Variants in HOOK1 observed in about 807,000 individuals in gnomAD.
The protein encoded by HOOK1 is hook microtubule tethering protein 1, also known as protein Hook homolog 1.
Under a neutral mutation model 112.8 loss-of-function variants are expected in HOOK1, and 60 were observed. That is an observed-to-expected ratio of 0.53 (90% confidence interval 0.43 to 0.66). HOOK1 has a LOEUF of 0.66. Among genes scored for constraint, HOOK1 ranks in the 30% least tolerant of loss-of-function variants. The probability of loss-of-function intolerance (pLI) is 0.00; values close to 1 mark genes in which losing one functional copy is unlikely to be tolerated. For missense variants in HOOK1, 770 were observed against 856.0 expected (o/e 0.90, Z 1.25); for synonymous variants, 294 against 283.8 (o/e 1.04, Z -0.36).
intron 9 of HOOK1, 44 bp downstream of exon 9, chr1:59,843,642 A>G: frequency 6.8e-7 from 1 of 1,480,220 alleles, no homozygotes. Context: ...TCTGTCTATT[A>G]TACCAGTAGC....
At chr1:59,838,446 T>C (rs971912748) in intron 7 of HOOK1, among the ~76,000 whole-genome samples, 2 of 152,200 alleles carry the variant, frequency 1.3e-5, no homozygotes, top group African/African-American at 4.8e-5. Context: ...TAATGACCTG[T>C]GATGATGAGC....
chr1:59,872,960 G>A lies in HOOK1; in HGVS notation c.2182G>A (p.Asp728Asn). Residue 728 changes from aspartate (D) to asparagine (N), a missense_variant, in exon 22 of 22, where the codon GAT becomes AAT. Physicochemically the swap from Asp to Asn is conservative, Grantham distance 23 (BLOSUM62 1). Transcript: ENST00000371208. Reference sequence around the variant, plus strand: ...TGTTAAAGTCCCTGCTACAACATCTGATTAAACTGCAAAAAAAACAAAACA... The same window carrying A: ...TGTTAAAGTCCCTGCTACAACATCTAATTAAACTGCAAAAAAAACAAAACA... ...LSVKVPATTSD is the reference protein window; with the variant it reads ...LSVKVPATTSN 1.4e-6 allele frequency: 2 copies of A among 1,465,114 alleles called. No individual in the cohort carries two copies. Among genetic ancestry groups the A allele is most frequent in the Non-Finnish European group, 9.1e-7 (1 of 1,099,212 alleles). The allele number at this position is 1,465,114 out of a possible 1,614,324, so 90.8% of individuals were successfully genotyped here.
At chr1:59,837,926 T>C (rs528268431) in intron 7 of HOOK1, among the ~76,000 whole-genome samples, 1 of 152,266 alleles carries the variant, frequency 6.6e-6, no homozygotes, top group South Asian at 2.1e-4. Context: ...CTCCCACTTA[T>C]GAGTGAGAAC....
chr1:59,823,932 A>C (rs994816629), intron 2 of HOOK1, among the ~76,000 whole-genome samples: 3 of 152,152 alleles, frequency 2.0e-5, no homozygotes, highest in African/African-American at 7.2e-5. Context: ...ATTAACCCTA[A>C]ATATCTCTCT....
rs1435974146 is a variant in HOOK1, at chr1:59,873,471, C to T, written c.*506C>T. ...ATATACAAGGCTTTACTTCTGTCCC[C>T]TAATTCTTCCATTGAATGTGTACCT... is the stretch of plus-strand genomic sequence containing the variant. On this transcript the variant is annotated 3_prime_UTR_variant, in exon 22 of 22. Transcript: ENST00000371208. 1 of 151,830 alleles carries T rather than the reference C, an allele frequency of 6.6e-6. No homozygotes were observed. The highest frequency in any genetic ancestry group is 2.4e-5 in the African/African-American group (1 of 41,340). 9.4% of individuals were successfully genotyped at this position (151,830 alleles called of 1,614,324 possible). A position where few individuals can be genotyped will look rare whatever the true frequency, so the allele number is the denominator to read the frequency against.
chr1:59,870,331 G>A (rs1417932499), intron 20 of HOOK1, among the ~76,000 whole-genome samples: 1 of 152,182 alleles, frequency 6.6e-6, no homozygotes, highest in Non-Finnish European at 1.5e-5. Flanking sequence ...AAAGTAAAAA[G>A]GAGAAATGTA....
intron 1 of HOOK1, chr1:59,815,384 G>C (rs2098380505): frequency 3.4e-6 from 2 of 591,526 alleles, no homozygotes; most frequent in Admixed American, 6.0e-5. Context: ...CCGGGGGTGG[G>C]GGTAAAGGAA....
chr1:59,835,216 G>T (rs904594397), intron 5 of HOOK1, 129 bp from the exon 6 acceptor site: 64 of 646,268 alleles, frequency 9.9e-5, no homozygotes, highest in Non-Finnish European at 1.6e-4. Context: ...ACATACTGGT[G>T]GACAAATAAT....
Position 59,836,923 on chromosome 1 carries a change from A to G in HOOK1, c.525A>G (p.Glu175=), listed in dbSNP as rs757729497. The G allele has an allele frequency of 6.3e-7, 1 of 1,596,702 alleles. No individual in the cohort carries two copies. The highest frequency in any genetic ancestry group is 1.1e-5 in the South Asian group (1 of 88,884). The change falls in exon 7 of 22, where the codon GAA becomes GAG. Residue 175 remains glutamate (E), a synonymous_variant. Transcript: ENST00000371208. ...LSSPPNDAVG[E]LEQQLKRALE... ...CTCCTCCAAATGATGCTGTTGGAGA[A>G]TTGGAGCAACAGGTGAGTATTTTAG...
chr1:59,862,815 C>G lies in HOOK1; in HGVS notation c.1564C>G (p.Gln522Glu). Residue 522 changes from glutamine (Q) to glutamate (E), a missense_variant, in exon 16 of 22, where the codon CAG becomes GAG. Transcript: ENST00000371208. ...LSKERIRELQQQIEDLQKSLQ... is the reference protein window; with the variant it reads ...LSKERIRELQEQIEDLQKSLQ... ...CAAAGAGCGTATTAGAGAATTGCAG[C>G]AGCAGATTGAGGACCTCCAGAAATC... 2 of 1,611,894 alleles carry G rather than the reference C, an allele frequency of 1.2e-6. No homozygotes were observed. Among genetic ancestry groups the G allele is most frequent in the Non-Finnish European group, 1.7e-6 (2 of 1,178,132 alleles).
At chr1:59,852,844 A>G (rs1260403523) in intron 12 of HOOK1, among the ~76,000 whole-genome samples, 1 of 151,594 alleles carries the variant, frequency 6.6e-6, no homozygotes, top group Admixed American at 6.6e-5. Flanking sequence ...ATTTTCGTTT[A>G]ATTCTTTTGA....
chr1:59,827,518 C>A (rs750124682), intron 2 of HOOK1, among the ~76,000 whole-genome samples: 10 of 152,134 alleles, frequency 6.6e-5, no homozygotes, highest in Non-Finnish European at 1.5e-4. Context: ...TCAGTCATTT[C>A]AAGTAAATAC....
chr1:59,862,718 C>A, intron 15 of HOOK1, 66 bp from the exon 16 acceptor site: 2 of 907,892 alleles, frequency 2.2e-6, no homozygotes, highest in South Asian at 3.0e-5. Flanking sequence ...CTGAATGTAC[C>A]TTTGTAGATC....
At chr1:59,855,996 T>TTTG (rs2098410546) in intron 12 of HOOK1, among the ~76,000 whole-genome samples, 1 of 130,572 alleles carries the variant, frequency 7.7e-6, no homozygotes, top group African/African-American at 3.0e-5. Context: ...TTTTTTTTTT[T>TTTG]TTTTTTTTTT....
At chr1:59,871,791 G>A (rs1644059018) in intron 21 of HOOK1, among the ~76,000 whole-genome samples, 1 of 152,192 alleles carries the variant, frequency 6.6e-6, no homozygotes, top group African/African-American at 2.4e-5. Context: ...AACTTCCCAT[G>A]TGTGAATGCT....
At chr1:59,829,787 T>G (rs936517352) in intron 3 of HOOK1, among the ~76,000 whole-genome samples, 2 of 152,002 alleles carry the variant, frequency 1.3e-5, no homozygotes, top group African/African-American at 4.8e-5. Flanking sequence ...ACTTAACCTG[T>G]TCTTCTTTTT....
At chr1:59,859,108 A>T in intron 14 of HOOK1, 63 bp downstream of exon 14, 1 of 710,310 alleles carries the variant, frequency 1.4e-6, no homozygotes, top group Non-Finnish European at 2.0e-6. Context: ...GTTTTTTGTA[A>T]ATGTCTTGGC....
chr1:59,869,468 A>G lies in HOOK1; in HGVS notation c.1947+1117A>G, dbSNP rs1644019657. 6.6e-5 allele frequency among the ~76,000 whole-genome samples: 10 copies of G among 152,326 alleles called. No individual in the cohort carries two copies. The South Asian group carries it at 2.1e-3, about 32-fold the overall frequency. On this transcript the variant is annotated intron_variant, in intron 20 of 21. Coordinates refer to ENST00000371208, the MANE Select transcript of HOOK1 (RefSeq NM_015888.6). ...CAGCCTTCCAAAGTGCTGGGATTAC[A>G]GACGTGAGCCACCGCACCTAGCTGT...
At chr1:59,820,994 A>T (rs1574171235) in intron 1 of HOOK1, among the ~76,000 whole-genome samples, 2 of 152,182 alleles carry the variant, frequency 1.3e-5, no homozygotes, top group Admixed American at 1.3e-4. Context: ...ATTAAAAGTG[A>T]ATTATGGCGG....
Sources: gnomAD v4.1 joint callset for allele counts (sites outside exome capture counted in the v4.1 genomes callset) on GRCh38, gnomAD v4.1.1 for gene constraint, MANE v1.5 for transcripts, NCBI Gene and HGNC (gene_info 2026-07-23, HGNC 2026-07-21) for gene names.